RP1: variants seen among roughly 807,000 people sequenced by gnomAD.
RP1 encodes the protein oxygen-regulated protein 1.
A neutral mutation model predicts 14.8 loss-of-function variants in RP1; 16 were observed. The observed-to-expected ratio is 1.08, with a 90% CI of 0.73 to 1.65. The LOEUF is 1.65. Ranked by LOEUF, RP1 falls within the 40% of genes most tolerant of loss-of-function variation. The pLI is 0.00. For missense variants in RP1, 2,631 were observed against 2,535.0 expected (o/e 1.04, Z -0.81); for synonymous variants, 876 against 883.6 (o/e 0.99, Z 0.15).
intron 3 of RP1, among the ~76,000 whole-genome samples, chr8:54,643,025 A>G (rs906207215): frequency 6.6e-6 from 1 of 151,862 alleles, no homozygotes; most frequent in African/African-American, 2.4e-5. Flanking sequence ...GCCTATTCAT[A>G]TTCCTGTCCA....
chr8:54,706,623 C>T, exon 15 of RP1: 1 of 1,536,044 alleles, frequency 6.5e-7, no homozygotes, highest in Non-Finnish European at 8.7e-7. Context: ...ACAAATGTAT[C>T]TAAGAATCAA....
chr8:54,839,821 G>A (rs1467097813), intron 25 of RP1, among the ~76,000 whole-genome samples: 2 of 152,300 alleles, frequency 1.3e-5, no homozygotes, highest in East Asian at 3.9e-4. Flanking sequence ...TTTGGGGTAA[G>A]TCCTGCTTAA....
rs140946015 is a variant in RP1 at position 54,610,208 on chromosome 8, C to T, written c.-12-10747C>T. ...TGTATGAGTACCATTTGACACAGCT[C>T]ATCACTACCTCCTTTTGAAACACTT... On this transcript the variant is annotated intron_variant, in intron 1 of 22. Coordinates refer to the RP1 transcript ENST00000636932. 2.0e-3 allele frequency among the ~76,000 whole-genome samples: 300 copies of T among 152,318 alleles called. 3 individuals carry two copies. Among genetic ancestry groups the T allele is most frequent in the African/African-American group, 6.8e-3 (282 of 41,576 alleles).
chr8:54,701,091 T>C (rs570990107), intron 13 of RP1, among the ~76,000 whole-genome samples: 7 of 152,308 alleles, frequency 4.6e-5, no homozygotes, highest in Admixed American at 2.6e-4. Flanking sequence ...TCAATTTGTT[T>C]CATTTTTGAA....
At chr8:54,699,462 T>C in intron 12 of RP1, 1 of 1,330,486 alleles carries the variant, frequency 7.5e-7, no homozygotes, top group South Asian at 2.1e-5. Context: ...AAAAATGTTT[T>C]CCAGGTGTCT....
chr8:54,710,232 G>A (rs1808263915), intron 15 of RP1, among the ~76,000 whole-genome samples: 1 of 152,162 alleles, frequency 6.6e-6, no homozygotes, highest in South Asian at 2.1e-4. Flanking sequence ...TACTTAGCCT[G>A]CCCCGCTCAA....
intron 25 of RP1, among the ~76,000 whole-genome samples, chr8:54,845,092 G>T (rs1305412353): frequency 6.6e-6 from 1 of 152,220 alleles, no homozygotes; most frequent in African/African-American, 2.4e-5. Flanking sequence ...ATGGACCTGG[G>T]TCTAGGAGAT....
intron 23 of RP1, among the ~76,000 whole-genome samples, chr8:54,779,818 A>C (rs1221197977): frequency 6.6e-6 from 1 of 152,214 alleles, no homozygotes; most frequent in Non-Finnish European, 1.5e-5. Context: ...ATAACTAGAC[A>C]TCCTGATAGA....
At chr8:54,766,195 GT>G in intron 22 of RP1, among the ~76,000 whole-genome samples, 1 of 152,142 alleles carries the variant, frequency 6.6e-6, no homozygotes, top group East Asian at 1.9e-4. Context: ...TCTACAAATG[GT>G]TTTATTTTCC....
intron 26 of RP1, among the ~76,000 whole-genome samples, chr8:54,856,307 G>A (rs1812198178): frequency 6.6e-6 from 1 of 152,050 alleles, no homozygotes; most frequent in Non-Finnish European, 1.5e-5. Flanking sequence ...TGACTGAGAG[G>A]GGCATGTTGG....
At chr8:54,790,989 T>C (rs1303006020) in intron 24 of RP1, among the ~76,000 whole-genome samples, 1 of 152,208 alleles carries the variant, frequency 6.6e-6, no homozygotes, top group African/African-American at 2.4e-5. Flanking sequence ...ATAGACATTC[T>C]GATTTGTGAA....
intron 22 of RP1, among the ~76,000 whole-genome samples, chr8:54,766,946 C>A (rs561104702): frequency 1.1e-3 from 161 of 152,224 alleles, no homozygotes; most frequent in Non-Finnish European, 1.6e-3. Flanking sequence ...CTTCTCAAGC[C>A]ACACTGCTCC....
intron 24 of RP1, among the ~76,000 whole-genome samples, chr8:54,816,809 C>T (rs934036735): frequency 6.6e-5 from 10 of 152,174 alleles, no homozygotes; most frequent in Admixed American, 2.6e-4. Flanking sequence ...TCTTTTCATC[C>T]TTCATCCATT....
At chr8:54,612,360 A>C (rs1281699711), upstream of RP1, among the ~76,000 whole-genome samples, 4 of 152,334 alleles carry the variant, frequency 2.6e-5, no homozygotes, top group Admixed American at 2.6e-4. Flanking sequence ...GCTGCCTGCC[A>C]TGGGGCTGGG....
At chr8:54,622,309 T>A in intron 3 of RP1, 21 bp downstream of exon 3, 1 of 1,612,096 alleles carries the variant, frequency 6.2e-7, no homozygotes, top group Non-Finnish European at 8.5e-7. Context: ...TATTAATATA[T>A]AGCCCATATT....
chr8:54,823,205 C>T (rs1324799817), intron 24 of RP1, among the ~76,000 whole-genome samples: 5 of 152,206 alleles, frequency 3.3e-5, no homozygotes, highest in African/African-American at 1.2e-4. Flanking sequence ...ACAGCTCCCC[C>T]ACCTCCACCC....
intron 24 of RP1, among the ~76,000 whole-genome samples, chr8:54,831,462 T>TTTCTCCTTTGGCTTATTACCTGTGCCA (rs1811526981): frequency 2.8e-5 from 4 of 141,470 alleles, no homozygotes; most frequent in African/African-American, 7.8e-5. Context: ...TACCTGTGCC[T>TTTCTCCTTTGGCTTATTACCTGTGCCA]GTTTTTTGTT....
intron 8 of RP1, among the ~76,000 whole-genome samples, chr8:54,676,963 G>A (rs1022655743): frequency 3.9e-5 from 6 of 152,012 alleles, no homozygotes; most frequent in African/African-American, 1.4e-4. Context: ...CAGGTGGAGA[G>A]AATAGTGTAT....
At chr8:54,823,721 AT>A (rs1811313564) in intron 24 of RP1, among the ~76,000 whole-genome samples, 1 of 152,216 alleles carries the variant, frequency 6.6e-6, no homozygotes, top group African/African-American at 2.4e-5. Flanking sequence ...CATTTTGCTC[AT>A]TTCCAGTTTG....
Sources: gnomAD v4.1 joint callset for allele counts (sites outside exome capture counted in the v4.1 genomes callset) on GRCh38, gnomAD v4.1.1 for gene constraint, MANE v1.5 for transcripts, NCBI Gene and HGNC (gene_info 2026-07-23, HGNC 2026-07-21) for gene names.